EAF2: variants seen among roughly 807,000 people sequenced by gnomAD.
The protein encoded by EAF2 is ELL associated factor 2.
In EAF2, 29 loss-of-function variants were observed where a neutral mutation model predicts 29.4. The ratio of observed to expected loss-of-function variants is 0.99; its 90% CI spans 0.73 to 1.35. The LOEUF (loss-of-function observed/expected upper bound fraction) is 1.35, where lower values mean the gene tolerates loss of function less well. Ranked by LOEUF, EAF2 falls within the 40% of genes most tolerant of loss-of-function variation. The probability of loss-of-function intolerance (pLI) is 0.00; values close to 1 mark genes in which losing one functional copy is unlikely to be tolerated. For missense variants in EAF2, 292 were observed against 312.0 expected, an observed-to-expected ratio of 0.94 and a Z score of 0.48; for synonymous variants, 103 against 102.5, an observed-to-expected ratio of 1.00 and a Z score of -0.03.
intron 4 of EAF2, among the ~76,000 whole-genome samples, chr3:121,866,112 G>A (rs137967934): frequency 1.3e-5 from 2 of 152,284 alleles, no homozygotes; most frequent in Non-Finnish European, 2.9e-5. Context: ...GGTTCAGGAA[G>A]CACTCTTTAT....
intron 4 of EAF2, among the ~76,000 whole-genome samples, chr3:121,859,693 G>A (rs9812716): frequency 0.15 from 22,207 of 152,032 alleles, 2,023 homozygotes; most frequent in African/African-American, 0.25. Context: ...CCTGGCCAGA[G>A]CTCCCCAACA....
At chr3:121,857,853 T>A (rs1708748978) in intron 4 of EAF2, among the ~76,000 whole-genome samples, 1 of 152,034 alleles carries the variant, frequency 6.6e-6, no homozygotes, top group Admixed American at 6.6e-5. Flanking sequence ...CCCCGGTGTG[T>A]GATGGACACC....
At chr3:121,873,123 A>G (rs1709045701) in intron 5 of EAF2, 1 of 670,502 alleles carries the variant, frequency 1.5e-6, no homozygotes, top group Non-Finnish European at 2.7e-6. Flanking sequence ...AACTTCCTCC[A>G]TGTTTCTGTT....
At chr3:121,862,111 CT>C (rs1194513855) in intron 4 of EAF2, among the ~76,000 whole-genome samples, 1 of 152,080 alleles carries the variant, frequency 6.6e-6, no homozygotes, top group Admixed American at 6.5e-5. Flanking sequence ...ACATTTTTTC[CT>C]TCATTTCAAC....
chr3:121,849,675 C>T (rs942675984), intron 2 of EAF2, among the ~76,000 whole-genome samples: 1 of 152,018 alleles, frequency 6.6e-6, no homozygotes, highest in Non-Finnish European at 1.5e-5. Context: ...GAGGGGTACT[C>T]CAGATGACCC....
chr3:121,856,948 T>G, intron 3 of EAF2, 63 bp from the exon 4 acceptor site: 1 of 1,443,896 alleles, frequency 6.9e-7, no homozygotes, highest in Non-Finnish European at 9.4e-7. Flanking sequence ...AGTAACTTTG[T>G]AAGTTAAATT....
chr3:121,873,164 A>T (rs897387061), intron 5 of EAF2: 17 of 610,852 alleles, frequency 2.8e-5, no homozygotes, highest in Non-Finnish European at 4.9e-5. Flanking sequence ...GGTAACTTGC[A>T]AATTTATATC....
At position 121,876,333 on chromosome 3, in the gene EAF2, C is replaced by T. The variant is rs143044308; in HGVS notation, c.736+3545C>T. 5.5e-3 allele frequency among the ~76,000 whole-genome samples: 839 copies of T among 151,380 alleles called. 10 individuals are homozygous for T. The highest frequency in any genetic ancestry group is 8.3e-3 in the Non-Finnish European group (563 of 67,724). On this transcript the variant is annotated intron_variant, in intron 5 of 5. Transcript: ENST00000273668. ...AAGAGTAAAATAATTTTCAGGCACACGAAAACAGCTTATTGTCTGTAGAAT... is the reference window on the plus strand; with the variant it reads ...AAGAGTAAAATAATTTTCAGGCACATGAAAACAGCTTATTGTCTGTAGAAT...
intron 2 of EAF2, among the ~76,000 whole-genome samples, chr3:121,846,719 A>ATTT (rs11387474): frequency 6.7e-6 from 1 of 148,990 alleles, no homozygotes; most frequent in Non-Finnish European, 1.5e-5. Context: ...CTTTAGTTGG[A>ATTT]TTTTTTTTTT....
At chr3:121,860,113 G>A (rs1225173309) in intron 4 of EAF2, among the ~76,000 whole-genome samples, 1 of 152,146 alleles carries the variant, frequency 6.6e-6, no homozygotes, top group Non-Finnish European at 1.5e-5. Context: ...TGTTCACCAG[G>A]GATACTGGTC....
intron 2 of EAF2, 44 bp from the exon 3 acceptor site, chr3:121,854,643 T>G: frequency 1.4e-6 from 2 of 1,436,138 alleles, no homozygotes; most frequent in Middle Eastern, 2.1e-4. Flanking sequence ...CCAAGTGAAT[T>G]CCTATGATAA....
intron 4 of EAF2, among the ~76,000 whole-genome samples, chr3:121,862,244 T>C (rs981093244): frequency 6.6e-6 from 1 of 152,248 alleles, no homozygotes; most frequent in Non-Finnish European, 1.5e-5. Flanking sequence ...GAAGTTCTCC[T>C]GGATAATATC....
intron 4 of EAF2, among the ~76,000 whole-genome samples, chr3:121,863,696 G>T (rs1022450883): frequency 6.6e-6 from 1 of 152,064 alleles, no homozygotes; most frequent in South Asian, 2.1e-4. Context: ...TCTGTGGGCT[G>T]CACCCACTGT....
At chr3:121,884,435 ATT>A (rs1002575178) in intron 5 of EAF2, among the ~76,000 whole-genome samples, 17 of 145,302 alleles carry the variant, frequency 1.2e-4, no homozygotes, top group African/African-American at 4.0e-4. Flanking sequence ...TTATTTATTT[ATT>A]TTTTTTTTTG....
chr3:121,854,956 A>C, intron 3 of EAF2, 133 bp downstream of exon 3: 2 of 958,274 alleles, frequency 2.1e-6, no homozygotes, highest in South Asian at 2.1e-5. Flanking sequence ...ATCTTTTTCT[A>C]AGTTTAAATT....
intron 2 of EAF2, among the ~76,000 whole-genome samples, chr3:121,849,064 A>G (rs1708582527): frequency 6.6e-6 from 1 of 152,048 alleles, no homozygotes; most frequent in South Asian, 2.1e-4. Flanking sequence ...AGCAGGTAGG[A>G]GGTTTGCTTT....
intron 5 of EAF2, 32 bp from the exon 6 acceptor site, chr3:121,886,310 A>G: frequency 7.3e-7 from 1 of 1,366,308 alleles, no homozygotes; most frequent in Non-Finnish European, 9.8e-7. Context: ...ATATTTAATT[A>G]CTACAGTTTT....
In EAF2 at chr3:121,886,461, A is replaced by G. The variant is rs1709286486; in HGVS notation, c.*73A>G. The G allele has an allele frequency of 1.2e-6, 1 of 860,262 alleles. No homozygotes were observed. Among genetic ancestry groups the G allele is most frequent in the East Asian group, 3.4e-5 (1 of 29,814 alleles). The allele number at this position is 860,262 out of a possible 1,614,324, so 53.3% of individuals were successfully genotyped here. On this transcript the variant is annotated 3_prime_UTR_variant, in exon 6 of 6. Coordinates refer to ENST00000273668, the MANE Select transcript of EAF2 (RefSeq NM_018456.6). ...TTTTGTATTAACAATAAAAATTCCTAAGACTGAGGGAAATATGTCTTAACT... is the reference window on the plus strand; with the variant it reads ...TTTTGTATTAACAATAAAAATTCCTGAGACTGAGGGAAATATGTCTTAACT...
chr3:121,850,530 TTAA>T (rs1299058404), intron 2 of EAF2, among the ~76,000 whole-genome samples: 1 of 152,150 alleles, frequency 6.6e-6, no homozygotes, highest in African/African-American at 2.4e-5. Flanking sequence ...TTATTATCCC[TTAA>T]TAATAAGACT....
Sources: gnomAD v4.1 joint callset for allele counts (sites outside exome capture counted in the v4.1 genomes callset) on GRCh38, gnomAD v4.1.1 for gene constraint, MANE v1.5 for transcripts, NCBI Gene and HGNC (gene_info 2026-07-23, HGNC 2026-07-21) for gene names.